The following GLI3 variants were observed in gnomAD, a reference collection of about 807,000 sequenced individuals.
GLI3 encodes the protein transcription activator GLI3.
A neutral mutation model predicts 100.8 loss-of-function variants in GLI3; 20 were observed. That is an observed-to-expected ratio of 0.20 (90% CI 0.14 to 0.29). The LOEUF is 0.29. Among genes scored for constraint, GLI3 ranks in the 10% least tolerant of loss-of-function variants. The pLI, the probability that GLI3 is intolerant of heterozygous loss-of-function variation, is 1.00. For synonymous variants in GLI3, 938 were observed against 860.5 expected, an observed-to-expected ratio of 1.09 and a Z score of -1.58; for missense variants, 2,040 against 2,128.5, an observed-to-expected ratio of 0.96 and a Z score of 0.82.
intron 4 of GLI3, among the ~76,000 whole-genome samples, chr7:42,064,537 G>A (rs939066511): frequency 4.6e-5 from 7 of 152,154 alleles, no homozygotes; most frequent in Non-Finnish European, 8.8e-5. Flanking sequence ...ACAGCACTAT[G>A]TTTGAGTTTG....
At chr7:42,112,246 G>C (rs996082902) in intron 3 of GLI3, among the ~76,000 whole-genome samples, 7 of 152,168 alleles carry the variant, frequency 4.6e-5, no homozygotes, top group Non-Finnish European at 8.8e-5. Flanking sequence ...GTTATTATAA[G>C]CAGGAAGCCA....
At chr7:42,073,341 C>T (rs1026207340) in intron 4 of GLI3, among the ~76,000 whole-genome samples, 3 of 152,224 alleles carry the variant, frequency 2.0e-5, no homozygotes, top group East Asian at 3.9e-4. Flanking sequence ...CACAAACTGA[C>T]GTATTTCCGT....
intron 10 of GLI3, among the ~76,000 whole-genome samples, chr7:42,014,165 T>C (rs531026695): frequency 1.3e-5 from 2 of 152,338 alleles, no homozygotes; most frequent in East Asian, 3.9e-4. Flanking sequence ...CAGCCCCATC[T>C]TTCTAAAGCT....
At chr7:42,261,647 A>G (rs1192026988) in intron 1 of GLI3, among the ~76,000 whole-genome samples, 1 of 152,222 alleles carries the variant, frequency 6.6e-6, no homozygotes, top group Non-Finnish European at 1.5e-5. Flanking sequence ...TTACTAATAT[A>G]CTCAGTACAT....
intron 1 of GLI3, among the ~76,000 whole-genome samples, chr7:42,250,717 A>G (rs781735844): frequency 6.6e-6 from 1 of 152,224 alleles, no homozygotes; most frequent in African/African-American, 2.4e-5. Flanking sequence ...GAGGGACAGG[A>G]AGTGCCAAAA....
intron 1 of GLI3, among the ~76,000 whole-genome samples, chr7:42,261,214 C>CAA (rs1236448915): frequency 1.2e-4 from 18 of 151,262 alleles, no homozygotes; most frequent in East Asian, 5.8e-4. Flanking sequence ...CACACACACA[C>CAA]ACACACACAA....
rs548766907 is a variant in GLI3, at chr7:42,024,094, C to T, written c.1357-486G>A. Among the ~76,000 whole-genome samples, 134 of 152,264 alleles carry T rather than the reference C, an allele frequency of 8.8e-4. No homozygotes were observed. In the Middle Eastern group the frequency reaches 0.01, roughly 12 times the overall value. ...AATCCAGGGAAATGGTTTACTAGTA[C>T]TTCTAATGCTGTTTTCGCTGCTGTT... On this transcript the variant is annotated intron_variant, in intron 9 of 14. Transcript: ENST00000395925.
Position 42,023,210 on chromosome 7 carries a change from G to A in GLI3, c.1497+258C>T, listed in dbSNP as rs562968965. Among the ~76,000 whole-genome samples the A allele has an allele frequency of 6.0e-4, 91 of 152,308 alleles. 1 individual carries two copies. Among genetic ancestry groups the A allele is most frequent in the African/African-American group, 2.2e-3 (90 of 41,558 alleles). On this transcript the variant is annotated intron_variant, in intron 10 of 14. Coordinates refer to ENST00000395925, the MANE Select transcript of GLI3 (RefSeq NM_000168.6). ...CCATCAAAGTCGCTAACTCAAAATAGTGTTTTCTGGCTTACAGGATCAGAG... is the reference window on the plus strand; with the variant it reads ...CCATCAAAGTCGCTAACTCAAAATAATGTTTTCTGGCTTACAGGATCAGAG...
chr7:42,015,260 C>T (rs1788725263), intron 10 of GLI3, among the ~76,000 whole-genome samples: 1 of 152,096 alleles, frequency 6.6e-6, no homozygotes, highest in Non-Finnish European at 1.5e-5. Context: ...CTTCCCATCC[C>T]CCACTCACTG....
At chr7:42,131,493 A>G (rs1268239025) in intron 3 of GLI3, among the ~76,000 whole-genome samples, 1 of 152,228 alleles carries the variant, frequency 6.6e-6, no homozygotes, top group Non-Finnish European at 1.5e-5. Flanking sequence ...ACTAACACAG[A>G]AGGTTAGGTA....
intron 3 of GLI3, among the ~76,000 whole-genome samples, chr7:42,125,708 C>T (rs1786108970): frequency 6.6e-6 from 1 of 152,182 alleles, no homozygotes; most frequent in Non-Finnish European, 1.5e-5. Context: ...AAACAATGTT[C>T]AGGATTATAC....
chr7:41,961,165 ATT>A lies in GLI3; in HGVS notation c.*3163_*3164del. ...CGCTATGCCTACAATACTTAAATGT[ATT>A]TACATGTGTTTCTTTTAAAAAAAGG... is the stretch of plus-strand genomic sequence containing the variant. On this transcript the variant is annotated 3_prime_UTR_variant, in exon 15 of 15. Transcript: ENST00000395925. 6.6e-6 allele frequency: 1 copy of A among 152,602 alleles called. No homozygotes were observed. Among genetic ancestry groups the A allele is most frequent in the African/African-American group, 2.4e-5 (1 of 41,414 alleles). 9.5% of individuals were successfully genotyped at this position (152,602 alleles called of 1,614,324 possible).
chr7:41,996,695 A>G (rs62441525), intron 10 of GLI3, among the ~76,000 whole-genome samples: 4,508 of 152,324 alleles, frequency 0.03, 108 homozygotes, highest in Non-Finnish European at 0.039. Flanking sequence ...AATCGCTGAC[A>G]TAATTGTAAT....
chr7:42,093,730 T>C (rs1246347796), intron 3 of GLI3, among the ~76,000 whole-genome samples: 11 of 152,156 alleles, frequency 7.2e-5, no homozygotes, highest in Admixed American at 3.3e-4. Flanking sequence ...AATGCTAATG[T>C]AACAAATTTA....
chr7:42,089,202 A>T (rs1785166062), intron 3 of GLI3, among the ~76,000 whole-genome samples: 1 of 152,146 alleles, frequency 6.6e-6, no homozygotes, highest in South Asian at 2.1e-4. Flanking sequence ...CAACACATGG[A>T]TGCGTAATAG....
intron 2 of GLI3, among the ~76,000 whole-genome samples, chr7:42,201,796 C>A (rs78814872): frequency 1.3e-5 from 2 of 151,930 alleles, no homozygotes; most frequent in Non-Finnish European, 2.9e-5. Flanking sequence ...GTAAAAGTAC[C>A]GTATTGGCCG....
chr7:42,186,002 T>C (rs532647404), intron 2 of GLI3, among the ~76,000 whole-genome samples: 59 of 152,186 alleles, frequency 3.9e-4, no homozygotes, highest in Non-Finnish European at 6.5e-4. Context: ...CCATGCATTA[T>C]GCAAATGATC....
chr7:42,059,407 T>C (rs563953800), intron 4 of GLI3, among the ~76,000 whole-genome samples: 12 of 150,168 alleles, frequency 8.0e-5, no homozygotes, highest in Non-Finnish European at 1.3e-4. Flanking sequence ...TTTTATTATA[T>C]AATGTATGTA....
chr7:42,222,143 T>A (rs924211792), intron 2 of GLI3, among the ~76,000 whole-genome samples: 4 of 152,194 alleles, frequency 2.6e-5, no homozygotes, highest in Non-Finnish European at 5.9e-5. Flanking sequence ...TGTTCTGGAC[T>A]GCAGTTACCT....
Sources: gnomAD v4.1 joint callset for allele counts (sites outside exome capture counted in the v4.1 genomes callset) on GRCh38, gnomAD v4.1.1 for gene constraint, MANE v1.5 for transcripts, NCBI Gene and HGNC (gene_info 2026-07-23, HGNC 2026-07-21) for gene names.